PCDH7: variants seen among roughly 807,000 people sequenced by gnomAD.
PCDH7 encodes protocadherin 7.
PCDH7 carries 17 observed loss-of-function variants against 58.9 expected under a neutral mutation model. That is an observed-to-expected ratio of 0.29 (90% CI 0.20 to 0.43). The LOEUF is 0.43. PCDH7 is among the 20% of genes least tolerant of loss of function. The probability of loss-of-function intolerance (pLI) is 1.00; values close to 1 mark genes in which losing one functional copy is unlikely to be tolerated. For synonymous variants in PCDH7, 664 were observed against 616.4 expected (o/e 1.08, Z -1.14); for missense variants, 1,274 against 1,441.0 (o/e 0.88, Z 1.88).
chr4:31,069,583 A>G (rs1758372743), intron 3 of PCDH7, among the ~76,000 whole-genome samples: 1 of 152,050 alleles, frequency 6.6e-6, no homozygotes, highest in South Asian at 2.1e-4. Context: ...AATGCCTAGA[A>G]TTGTTTTAGA....
chr4:31,071,533 G>A (rs1758545067), intron 3 of PCDH7, among the ~76,000 whole-genome samples: 1 of 152,040 alleles, frequency 6.6e-6, no homozygotes, highest in African/African-American at 2.4e-5. Context: ...GAAAAGAGTT[G>A]AAGGTTTTAG....
At position 31,021,901 on chromosome 4, in the gene PCDH7, A is replaced by G. The variant is rs12511710; in HGVS notation, c.*7+71686A>G. 8.8e-3 allele frequency among the ~76,000 whole-genome samples: 1,335 copies of G among 152,300 alleles called. 15 individuals are homozygous for G. Among genetic ancestry groups the G allele is most frequent in the Admixed American group, 0.027 (415 of 15,288 alleles). On this transcript the variant is annotated intron_variant, in intron 3 of 3. Coordinates refer to the PCDH7 transcript ENST00000509759. The stretch of plus-strand genomic sequence containing the variant: ...TCTTTTGGAAATAAAAAGATACAAA[A>G]TAAAAACAAAACAGCAACGTTCATC...
chr4:30,817,094 T>C (rs777742710), intron 1 of PCDH7, among the ~76,000 whole-genome samples: 11 of 152,148 alleles, frequency 7.2e-5, no homozygotes, highest in Non-Finnish European at 1.3e-4. Context: ...GGAATTTAAA[T>C]AAAGAAATTC....
chr4:30,888,470 A>G lies in PCDH7; in HGVS notation c.71-31683A>G, dbSNP rs1356829299. 2.6e-5 allele frequency among the ~76,000 whole-genome samples: 4 copies of G among 152,228 alleles called. No individual in the cohort carries two copies. The East Asian group carries it at 7.7e-4, about 29-fold the overall frequency. On this transcript the variant is annotated intron_variant, in intron 1 of 3. Coordinates refer to the PCDH7 transcript ENST00000509759. Reference sequence around the variant, plus strand: ...AGATTGAGAAAGAGAGGATATTTATAGACTAGAAGAGATATAGCAATCAAA... The same window carrying G: ...AGATTGAGAAAGAGAGGATATTTATGGACTAGAAGAGATATAGCAATCAAA...
downstream of PCDH7, chr4:31,143,958 A>G (rs1720513386): frequency 6.6e-6 from 1 of 152,200 alleles, no homozygotes; most frequent in Non-Finnish European, 1.5e-5. Flanking sequence ...ATTATCAGGG[A>G]AGATTCCATG....
chr4:31,145,825 A>G (rs567989587), downstream of PCDH7: 17 of 152,198 alleles, frequency 1.1e-4, no homozygotes, highest in Admixed American at 3.3e-4. Flanking sequence ...TTGGCAAGGT[A>G]AAATACTGAT....
At chr4:30,765,125 C>CTTTCT (rs1720566928) in intron 1 of PCDH7, among the ~76,000 whole-genome samples, 1 of 49,198 alleles carries the variant, frequency 2.0e-5, no homozygotes, top group African/African-American at 7.5e-5. Flanking sequence ...ACTTCAGATG[C>CTTTCT]TTTTTTTTTT....
At chr4:30,980,440 A>G (rs1020622548) in intron 3 of PCDH7, among the ~76,000 whole-genome samples, 2 of 152,162 alleles carry the variant, frequency 1.3e-5, no homozygotes, top group African/African-American at 4.8e-5. Context: ...GGGGAAAAAC[A>G]TGGGATTTCC....
Position 30,847,489 on chromosome 4 carries a change from T to C in PCDH7, c.71-72664T>C, listed in dbSNP as rs149831269. Among the ~76,000 whole-genome samples the C allele has an allele frequency of 4.8e-4, 73 of 152,310 alleles. 1 individual carries two copies. Among genetic ancestry groups the C allele is most frequent in the Admixed American group, 3.9e-3 (60 of 15,282 alleles). ...CATCCACATGCATTAATGTCTGACTTGCCAAAATGTTTGTTTGCCTTCACA... is the reference window on the plus strand; with the variant it reads ...CATCCACATGCATTAATGTCTGACTCGCCAAAATGTTTGTTTGCCTTCACA... On this transcript the variant is annotated intron_variant, in intron 1 of 3. Transcript: ENST00000509759.
chr4:30,753,786 C>G (rs546903209), intron 1 of PCDH7, among the ~76,000 whole-genome samples: 1 of 152,060 alleles, frequency 6.6e-6, no homozygotes, highest in Non-Finnish European at 1.5e-5. Flanking sequence ...TGTGATAGAG[C>G]CTTTTTTTAA....
chr4:30,772,686 T>G (rs6819990), intron 1 of PCDH7, among the ~76,000 whole-genome samples: 54,569 of 151,994 alleles, frequency 0.36, 10,676 homozygotes, highest in African/African-American at 0.5. Context: ...CAAGGAGCTA[T>G]GGATAGGTAT....
intron 3 of PCDH7, among the ~76,000 whole-genome samples, chr4:31,139,596 A>C (rs540450750): frequency 6.6e-6 from 1 of 152,236 alleles, no homozygotes; most frequent in Non-Finnish European, 1.5e-5. Flanking sequence ...GAAAAAATTC[A>C]TAATATATGC....
intron 1 of PCDH7, among the ~76,000 whole-genome samples, chr4:30,814,146 G>A (rs1479244110): frequency 6.6e-6 from 1 of 151,442 alleles, no homozygotes; most frequent in East Asian, 1.9e-4. Flanking sequence ...TTACATATAG[G>A]CAATTTTTAC....
At chr4:31,083,049 A>G (rs1448848539) in intron 3 of PCDH7, among the ~76,000 whole-genome samples, 1 of 152,178 alleles carries the variant, frequency 6.6e-6, no homozygotes, top group Non-Finnish European at 1.5e-5. Flanking sequence ...TGGAGCTTGC[A>G]ATGAGCGGAG....
intron 2 of PCDH7, among the ~76,000 whole-genome samples, chr4:30,936,645 T>G (rs1745373191): frequency 6.6e-6 from 1 of 152,048 alleles, no homozygotes; most frequent in South Asian, 2.1e-4. Flanking sequence ...TTTTTTTGTT[T>G]TTTGCATAAA....
At chr4:31,126,640 A>G (rs1049385860) in intron 3 of PCDH7, among the ~76,000 whole-genome samples, 1 of 152,142 alleles carries the variant, frequency 6.6e-6, no homozygotes, top group Non-Finnish European at 1.5e-5. Flanking sequence ...GCAAATCTCA[A>G]TTCCACTAGT....
chr4:31,069,499 C>T (rs2109250410), intron 3 of PCDH7, among the ~76,000 whole-genome samples: 2 of 152,092 alleles, frequency 1.3e-5, no homozygotes, highest in Middle Eastern at 3.4e-3. Context: ...ATGGGCATCA[C>T]TTTACACATC....
At chr4:31,029,507 G>T (rs1754720625) in intron 3 of PCDH7, among the ~76,000 whole-genome samples, 1 of 152,152 alleles carries the variant, frequency 6.6e-6, no homozygotes, top group Non-Finnish European at 1.5e-5. Context: ...GGCTTTGAGG[G>T]CACATTACTC....
chr4:30,724,852 C>T, intron 1 of PCDH7: 1 of 1,286,332 alleles, frequency 7.8e-7, no homozygotes, highest in Non-Finnish European at 9.9e-7. Flanking sequence ...TTTGGCAGTT[C>T]TCTTTGCACT....
Sources: allele counts gnomAD v4.1 joint callset (sites outside exome capture counted in the v4.1 genomes callset), GRCh38; gene constraint gnomAD v4.1.1; transcripts MANE v1.5; gene names NCBI Gene and HGNC (gene_info 2026-07-23, HGNC 2026-07-21).